Variants in SEM1 observed in about 807,000 individuals in gnomAD.
The protein encoded by SEM1 is SEM1 26S proteasome subunit, also known as 26S proteasome complex subunit SEM1.
In SEM1, 3 loss-of-function variants were observed where a neutral mutation model predicts 12.7. That is an observed-to-expected ratio of 0.24 (90% CI 0.11 to 0.61). SEM1 has a LOEUF of 0.61. Among genes scored for constraint, SEM1 ranks in the 20% least tolerant of loss-of-function variants. The pLI is 0.88. For synonymous variants in SEM1, 30 were observed against 27.8 expected (o/e 1.08, Z -0.25); for missense variants, 59 against 81.3 (o/e 0.73, Z 1.06).
At chr7:96,643,797 G>A (rs974320475) in intron 2 of SEM1, among the ~76,000 whole-genome samples, 5 of 152,074 alleles carry the variant, frequency 3.3e-5, no homozygotes, top group African/African-American at 9.7e-5. Context: ...ACACACCAGG[G>A]CCTGTCAGGG....
chr7:96,616,181 T>C lies in SEM1; in HGVS notation c.170+78617A>G, dbSNP rs1807715016. 2.0e-5 allele frequency among the ~76,000 whole-genome samples: 3 copies of C among 149,824 alleles called. No individual in the cohort carries two copies. In the South Asian group the frequency reaches 6.2e-4, roughly 31 times the overall value. On this transcript the variant is annotated intron_variant and NMD_transcript_variant, in intron 2 of 3. Coordinates refer to the SEM1 transcript ENST00000466986. ...ACCAAGAGTACATAAGCATTCTCTT[T>C]TCTTCACATCCTTGCCAACATTTAT...
exon 1 of SEM1, chr7:96,496,306 C>T (rs1803255301): frequency 6.6e-7 from 1 of 1,516,836 alleles, no homozygotes; most frequent in East Asian, 2.5e-5. Flanking sequence ...GTTCTTCCTT[C>T]AGAGCTGCAT....
chr7:96,537,095 C>T lies in SEM1; in HGVS notation c.171-30397G>A, dbSNP rs555317787. On this transcript the variant is annotated intron_variant and NMD_transcript_variant, in intron 2 of 3. Coordinates refer to the SEM1 transcript ENST00000466986. ...TTTACTTAAAATGTTAGTAGTTGCC[C>T]TAGAATTTATAATAAACATTTTTAA... is the stretch of plus-strand genomic sequence containing the variant. 1.8e-4 allele frequency among the ~76,000 whole-genome samples: 27 copies of T among 151,624 alleles called. No homozygotes were observed. In the South Asian group the frequency reaches 3.7e-3, roughly 21 times the overall value.
intron 2 of SEM1, among the ~76,000 whole-genome samples, chr7:96,644,552 A>T (rs1376080272): frequency 1.3e-5 from 2 of 152,166 alleles, no homozygotes; most frequent in East Asian, 3.9e-4. Flanking sequence ...ATTCTGAAAT[A>T]AGGAGGGACT....
intron 2 of SEM1, among the ~76,000 whole-genome samples, chr7:96,594,781 C>T (rs1217948907): frequency 6.6e-6 from 1 of 151,706 alleles, no homozygotes; most frequent in Non-Finnish European, 1.5e-5. Context: ...TAATGTATTA[C>T]AAAACTAAAA....
intron 1 of SEM1, among the ~76,000 whole-genome samples, chr7:96,702,925 A>G (rs534536166): frequency 3.2e-4 from 48 of 152,334 alleles, no homozygotes; most frequent in African/African-American, 1.0e-3. Flanking sequence ...GTAGTCTTCT[A>G]AAGTGTGAAA....
chr7:96,590,680 C>G (rs1806801902), intron 2 of SEM1, among the ~76,000 whole-genome samples: 2 of 152,176 alleles, frequency 1.3e-5, no homozygotes, highest in Non-Finnish European at 2.9e-5. Context: ...AAACTAGCAA[C>G]ATAATTTGGC....
intron 2 of SEM1, among the ~76,000 whole-genome samples, chr7:96,630,656 A>G (rs1808223464): frequency 6.6e-6 from 1 of 152,184 alleles, no homozygotes. Context: ...AAGGTGCAAG[A>G]CAAAGTCCCC....
chr7:96,694,369 A>G (rs1408375801), intron 2 of SEM1, among the ~76,000 whole-genome samples: 2 of 152,124 alleles, frequency 1.3e-5, no homozygotes, highest in African/African-American at 4.8e-5. Flanking sequence ...CAATAAATAA[A>G]TGAAATCAGG....
chr7:96,483,522 C>T (rs1302511451), exon 4 of SEM1: 1 of 270,436 alleles, frequency 3.7e-6, no homozygotes, highest in African/African-American at 2.3e-5. Context: ...TTTTCTCACT[C>T]ACCCTACATG....
chr7:96,549,213 G>A (rs1184037387), intron 2 of SEM1, among the ~76,000 whole-genome samples: 1 of 152,174 alleles, frequency 6.6e-6, no homozygotes, highest in Non-Finnish European at 1.5e-5. Context: ...AATCTTTCTA[G>A]TTTGCCTGGG....
chr7:96,604,960 C>G (rs889692705), intron 2 of SEM1, among the ~76,000 whole-genome samples: 3 of 151,912 alleles, frequency 2.0e-5, no homozygotes, highest in African/African-American at 7.2e-5. Context: ...ACCAACCAAC[C>G]AAGCAGAAAG....
At chr7:96,626,790 T>C (rs1017984964) in intron 2 of SEM1, among the ~76,000 whole-genome samples, 2 of 152,152 alleles carry the variant, frequency 1.3e-5, no homozygotes, top group African/African-American at 2.4e-5. Context: ...ATCAGAGTAA[T>C]ACTGACCTCA....
intron 2 of SEM1, among the ~76,000 whole-genome samples, chr7:96,574,426 T>C (rs1563067383): frequency 6.6e-6 from 1 of 152,216 alleles, no homozygotes; most frequent in Non-Finnish European, 1.5e-5. Flanking sequence ...AGCAGCATGA[T>C]TTATAATCCT....
intron 2 of SEM1, among the ~76,000 whole-genome samples, chr7:96,641,861 AT>A (rs1003224404): frequency 6.6e-6 from 1 of 151,548 alleles, no homozygotes; most frequent in Admixed American, 6.6e-5. Flanking sequence ...ATCTTTGAAG[AT>A]TTTTTTTCCA....
chr7:96,563,932 C>A (rs1805768025), intron 2 of SEM1, among the ~76,000 whole-genome samples: 1 of 152,004 alleles, frequency 6.6e-6, no homozygotes, highest in Non-Finnish European at 1.5e-5. Context: ...CTTTCCAAAT[C>A]TGATTTTACT....
chr7:96,605,161 C>T (rs536023817), intron 2 of SEM1, among the ~76,000 whole-genome samples: 37 of 152,078 alleles, frequency 2.4e-4, no homozygotes, highest in Non-Finnish European at 4.7e-4. Flanking sequence ...TCTTGCTTTT[C>T]CATGTTGCAA....
intron 2 of SEM1, among the ~76,000 whole-genome samples, chr7:96,485,365 G>A (rs1397662737): frequency 6.6e-6 from 1 of 151,834 alleles, no homozygotes; most frequent in Non-Finnish European, 1.5e-5. Flanking sequence ...GGCTTCAGGG[G>A]ATTCCTTGAC....
intron 1 of SEM1, among the ~76,000 whole-genome samples, chr7:96,491,510 A>G (rs1264519194): frequency 6.6e-6 from 1 of 152,208 alleles, no homozygotes; most frequent in African/African-American, 2.4e-5. Context: ...TTAGTCGTAA[A>G]GATTCGTTAA....
Sources: gnomAD v4.1 joint callset for allele counts (sites outside exome capture counted in the v4.1 genomes callset) on GRCh38, gnomAD v4.1.1 for gene constraint, MANE v1.5 for transcripts, NCBI Gene and HGNC (gene_info 2026-07-23, HGNC 2026-07-21) for gene names.